Variants in MYRIP observed in about 807,000 individuals in gnomAD.
MYRIP encodes the protein rab effector MyRIP.
In MYRIP, 49 loss-of-function variants were observed where a neutral mutation model predicts 98.0. The observed-to-expected ratio is 0.50, with a 90% CI of 0.40 to 0.63. The LOEUF (loss-of-function observed/expected upper bound fraction) is 0.63. MYRIP is among the 30% of genes least tolerant of loss of function. The pLI, the probability that MYRIP is intolerant of heterozygous loss-of-function variation, is 0.00. For synonymous variants in MYRIP, 404 were observed against 409.5 expected (o/e 0.99, Z 0.16); for missense variants, 1,004 against 1,058.2 (o/e 0.95, Z 0.71).
At chr3:39,811,175 C>T (rs1318894380) in intron 1 of MYRIP, among the ~76,000 whole-genome samples, 1 of 152,126 alleles carries the variant, frequency 6.6e-6, no homozygotes, top group Admixed American at 6.5e-5. Flanking sequence ...CACCTTGTCC[C>T]TTCAACTCAG....
At chr3:40,257,345 G>A (rs1559480625) in intron 16 of MYRIP, among the ~76,000 whole-genome samples, 2 of 152,048 alleles carry the variant, frequency 1.3e-5, no homozygotes, top group Non-Finnish European at 1.5e-5. Context: ...AAAAATAACA[G>A]GTAGGTTTTG....
intron 1 of MYRIP, among the ~76,000 whole-genome samples, chr3:39,847,401 T>G (rs921579391): frequency 5.9e-5 from 9 of 152,158 alleles, no homozygotes; most frequent in Non-Finnish European, 2.9e-5. Flanking sequence ...CAAAGGTATT[T>G]GTTTTCTTCT....
At chr3:40,009,587 C>A (rs1018678455) in intron 2 of MYRIP, among the ~76,000 whole-genome samples, 1 of 152,126 alleles carries the variant, frequency 6.6e-6, no homozygotes, top group Non-Finnish European at 1.5e-5. Context: ...TCCTGAGCAG[C>A]CCTGCTGAAA....
intron 3 of MYRIP, among the ~76,000 whole-genome samples, chr3:40,065,899 T>C (rs1948117187): frequency 1.3e-5 from 2 of 152,114 alleles, no homozygotes; most frequent in Non-Finnish European, 2.9e-5. Context: ...AGTTGAAGTC[T>C]CAGAGCCTGG....
chr3:40,211,913 G>A (rs1036482672), intron 11 of MYRIP, among the ~76,000 whole-genome samples: 2 of 151,750 alleles, frequency 1.3e-5, no homozygotes, highest in East Asian at 1.9e-4. Flanking sequence ...TTGGACAAGC[G>A]CCCCCATCCT....
chr3:39,932,470 C>T (rs1343753856), intron 2 of MYRIP, among the ~76,000 whole-genome samples: 2 of 152,096 alleles, frequency 1.3e-5, no homozygotes, highest in Admixed American at 1.3e-4. Flanking sequence ...ACGCCATTCT[C>T]CTGCCTCAGC....
At chr3:40,064,104 CAG>C (rs1374614819) in intron 3 of MYRIP, among the ~76,000 whole-genome samples, 1 of 152,052 alleles carries the variant, frequency 6.6e-6, no homozygotes, top group African/African-American at 2.4e-5. Flanking sequence ...AGGCTGCAAG[CAG>C]AGAGTAGATG....
intron 3 of MYRIP, among the ~76,000 whole-genome samples, chr3:40,106,288 G>A (rs938155306): frequency 9.2e-5 from 14 of 151,750 alleles, no homozygotes; most frequent in Middle Eastern, 3.2e-3. Context: ...ACTCAACAGC[G>A]TAATTAGATT....
At chr3:39,974,090 A>T (rs762065846) in intron 2 of MYRIP, among the ~76,000 whole-genome samples, 7 of 81,176 alleles carry the variant, frequency 8.6e-5, no homozygotes, top group African/African-American at 2.3e-4. Context: ...AAAACCCTAT[A>T]AAAAAATCAA....
intron 2 of MYRIP, among the ~76,000 whole-genome samples, chr3:39,944,169 A>T (rs922397912): frequency 3.3e-5 from 5 of 152,206 alleles, no homozygotes; most frequent in African/African-American, 1.2e-4. Flanking sequence ...CAAAGTAGCT[A>T]TAACTCAAAA....
intron 9 of MYRIP, 117 bp downstream of exon 9, chr3:40,182,490 G>T: frequency 8.4e-7 from 1 of 1,188,284 alleles, no homozygotes; most frequent in Non-Finnish European, 1.2e-6. Context: ...ACTGGTGTGT[G>T]TCCCTCTGGG....
In MYRIP at chr3:40,096,928, C is replaced by T. The variant is rs201610390; in HGVS notation, c.332+52657C>T. Among the ~76,000 whole-genome samples, 174 of 152,296 alleles carry T rather than the reference C, an allele frequency of 1.1e-3. 2 individuals carry two copies. In the South Asian group the frequency reaches 0.034, roughly 30 times the overall value. On this transcript the variant is annotated intron_variant, in intron 3 of 16. Coordinates refer to ENST00000302541, the MANE Select transcript of MYRIP (RefSeq NM_015460.4). ...GGTTTACTGTTTGGGTGAAGCAAAA[C>T]GCTCCGCCCATCGTCCTAACTCCTC...
intron 2 of MYRIP, among the ~76,000 whole-genome samples, chr3:39,975,855 G>A (rs1436052705): frequency 6.6e-6 from 1 of 152,136 alleles, no homozygotes; most frequent in Non-Finnish European, 1.5e-5. Context: ...TATGTAGAAA[G>A]CTGAAACTGG....
chr3:40,120,430 T>A (rs1415350351), intron 3 of MYRIP, among the ~76,000 whole-genome samples: 1 of 152,152 alleles, frequency 6.6e-6, no homozygotes, highest in Non-Finnish European at 1.5e-5. Flanking sequence ...TTGATATGAA[T>A]ATGAAGATGT....
intron 2 of MYRIP, among the ~76,000 whole-genome samples, chr3:40,009,392 A>C (rs1946706557): frequency 6.6e-6 from 1 of 151,916 alleles, no homozygotes; most frequent in Admixed American, 6.5e-5. Context: ...ACCTGCCACC[A>C]CACCTGGCTA....
At chr3:40,023,636 T>C (rs990884221) in intron 2 of MYRIP, among the ~76,000 whole-genome samples, 1 of 152,020 alleles carries the variant, frequency 6.6e-6, no homozygotes, top group South Asian at 2.1e-4. Flanking sequence ...CCCTTCCACC[T>C]CCAGTCTCAC....
intron 3 of MYRIP, 75 bp downstream of exon 3, chr3:40,044,346 T>C: frequency 7.1e-7 from 1 of 1,406,932 alleles, no homozygotes; most frequent in East Asian, 2.3e-5. Flanking sequence ...TTCAGTCAGG[T>C]AGAACCAGCT....
At chr3:40,176,908 C>CAAAAAAA (rs143992737) in intron 8 of MYRIP, among the ~76,000 whole-genome samples, 1 of 109,108 alleles carries the variant, frequency 9.2e-6, no homozygotes, top group African/African-American at 3.9e-5. Flanking sequence ...AACTCCATCT[C>CAAAAAAA]AAAAAAAAAA....
intron 4 of MYRIP, among the ~76,000 whole-genome samples, chr3:40,161,714 C>T (rs78091849): frequency 0.014 from 2,143 of 152,254 alleles, 28 homozygotes; most frequent in South Asian, 0.031. Flanking sequence ...TCTTTCTCAC[C>T]GCAGGTCAAC....
Sources: gnomAD v4.1 joint callset for allele counts (sites outside exome capture counted in the v4.1 genomes callset) on GRCh38, gnomAD v4.1.1 for gene constraint, MANE v1.5 for transcripts, NCBI Gene and HGNC (gene_info 2026-07-23, HGNC 2026-07-21) for gene names.